Variants in TNIK observed in about 807,000 individuals in gnomAD.
The protein encoded by TNIK is TRAF2 and NCK interacting kinase.
TNIK carries 49 observed loss-of-function variants against 191.3 expected under a neutral mutation model. The observed-to-expected ratio is 0.26, with a 90% CI of 0.20 to 0.32. The LOEUF is 0.32. Ranked by LOEUF, TNIK falls within the 10% of genes least tolerant of loss-of-function variation. TNIK has a pLI of 1.00. For missense variants in TNIK, 1,155 were observed against 1,702.3 expected (o/e 0.68, Z 5.66); for synonymous variants, 594 against 600.9 (o/e 0.99, Z 0.17).
intron 22 of TNIK, among the ~76,000 whole-genome samples, chr3:171,100,518 T>C (rs1723323949): frequency 6.6e-6 from 1 of 151,674 alleles, no homozygotes; most frequent in Non-Finnish European, 1.5e-5. Flanking sequence ...ATAGAGTGAG[T>C]GTGAACTGAT....
At chr3:171,105,738 G>C (rs957088017) in intron 21 of TNIK, among the ~76,000 whole-genome samples, 1 of 152,144 alleles carries the variant, frequency 6.6e-6, no homozygotes, top group African/African-American at 2.4e-5. Flanking sequence ...ATCTGTGAGA[G>C]CCTTTTCCTT....
chr3:171,277,132 G>A (rs907300462), intron 2 of TNIK, among the ~76,000 whole-genome samples: 4 of 152,118 alleles, frequency 2.6e-5, no homozygotes, highest in African/African-American at 4.8e-5. Context: ...TCTCTCCCTT[G>A]TGCATACTCT....
chr3:171,309,667 C>T (rs1753813277), intron 2 of TNIK, among the ~76,000 whole-genome samples: 1 of 152,080 alleles, frequency 6.6e-6, no homozygotes, highest in Non-Finnish European at 1.5e-5. Context: ...TCCTCAGTAA[C>T]TTTTAAGAAT....
chr3:171,250,993 G>T (rs147902653), intron 2 of TNIK, among the ~76,000 whole-genome samples: 23 of 152,336 alleles, frequency 1.5e-4, no homozygotes, highest in African/African-American at 5.5e-4. Context: ...GTGTTATTAT[G>T]TCTGAAAGTG....
At chr3:171,364,618 A>G (rs1158740556) in intron 2 of TNIK, among the ~76,000 whole-genome samples, 1 of 152,228 alleles carries the variant, frequency 6.6e-6, no homozygotes, top group Non-Finnish European at 1.5e-5. Context: ...TGACTTATGT[A>G]TTTAAATTGC....
chr3:171,112,042 C>A (rs761132536), intron 18 of TNIK, among the ~76,000 whole-genome samples: 2 of 151,876 alleles, frequency 1.3e-5, no homozygotes, highest in Non-Finnish European at 2.9e-5. Flanking sequence ...TTGAAAATTG[C>A]GAAGATAGTA....
At chr3:171,373,728 C>T (rs1716848677) in intron 1 of TNIK, among the ~76,000 whole-genome samples, 2 of 152,176 alleles carry the variant, frequency 1.3e-5, no homozygotes, top group Non-Finnish European at 2.9e-5. Context: ...ACATGTCCCT[C>T]ATGTCCCTAA....
chr3:171,209,124 A>G (rs1740479784), intron 4 of TNIK, among the ~76,000 whole-genome samples: 1 of 147,940 alleles, frequency 6.8e-6, no homozygotes, highest in Non-Finnish European at 1.5e-5. Context: ...AAGTTGGACC[A>G]GTGTTCATTC....
intron 27 of TNIK, among the ~76,000 whole-genome samples, chr3:171,080,168 G>GA (rs144105704): frequency 0.075 from 11,398 of 151,924 alleles, 460 homozygotes; most frequent in Middle Eastern, 0.13. Flanking sequence ...ACAAAAATAG[G>GA]AAAAAAAGGA....
chr3:171,345,811 G>A (rs1712091365), intron 2 of TNIK, among the ~76,000 whole-genome samples: 1 of 152,072 alleles, frequency 6.6e-6, no homozygotes, highest in South Asian at 2.1e-4. Context: ...TATGCTTTTA[G>A]TATCATCTAG....
chr3:171,139,373 C>CGT lies in TNIK; in HGVS notation c.1419+96_1419+97insAC, dbSNP rs1491160369. 293 of 939,384 alleles carry CGT rather than the reference C, an allele frequency of 3.1e-4. 1 individual carries two copies. In the African/African-American group the frequency reaches 5.6e-3, roughly 18 times the overall value. 58.2% of individuals were successfully genotyped at this position (939,384 alleles called of 1,614,324 possible). A position where few individuals can be genotyped will look rare whatever the true frequency, so the allele number is the denominator to read the frequency against. On this transcript the variant is annotated intron_variant, in intron 14 of 32. Coordinates refer to ENST00000436636, the MANE Select transcript of TNIK (RefSeq NM_015028.4). ...CTGGTATGTTAGAAGGACACACGCA[C>CGT]GCGCGCACACACACACACACACACA...
intron 2 of TNIK, among the ~76,000 whole-genome samples, chr3:171,321,986 GT>G (rs1364282630): frequency 1.3e-5 from 2 of 152,110 alleles, no homozygotes; most frequent in African/African-American, 2.4e-5. Context: ...GGTCTTTTGT[GT>G]TTTAGTCAGA....
Position 171,293,481 on chromosome 3 carries a change from A to T in TNIK, c.124-65260T>A, listed in dbSNP as rs1482474001. Among the ~76,000 whole-genome samples, 3 of 152,180 alleles carry T rather than the reference A, an allele frequency of 2.0e-5. No homozygotes were observed. The East Asian group carries it at 5.8e-4, about 29-fold the overall frequency. On this transcript the variant is annotated intron_variant, in intron 2 of 32. Coordinates refer to ENST00000436636, the MANE Select transcript of TNIK (RefSeq NM_015028.4). ...GCATGGAATCACATAACTATGGGGA[A>T]ATTATTTTCAATTTTTTTCAACTCT... is the stretch of plus-strand genomic sequence containing the variant.
At chr3:171,177,811 A>C (rs953784039) in intron 7 of TNIK, among the ~76,000 whole-genome samples, 3 of 152,300 alleles carry the variant, frequency 2.0e-5, no homozygotes, top group African/African-American at 7.2e-5. Flanking sequence ...AAACATACCC[A>C]TCATCCCCCA....
intron 22 of TNIK, among the ~76,000 whole-genome samples, chr3:171,098,126 AAAAAGCGGAAAT>A (rs1241552468): frequency 2.0e-5 from 3 of 152,210 alleles, no homozygotes; most frequent in Non-Finnish European, 4.4e-5. Flanking sequence ...ATAGCATAGA[AAAAAGCGGAAAT>A]AAAAGAGTCA....
chr3:171,094,416 G>A (rs1272837353), intron 22 of TNIK, among the ~76,000 whole-genome samples: 2 of 152,166 alleles, frequency 1.3e-5, no homozygotes, highest in African/African-American at 2.4e-5. Flanking sequence ...GATTATAGGC[G>A]TGAGCCACCG....
In TNIK at chr3:171,417,152, A is replaced by G. The variant is rs147979619; in HGVS notation, c.57+42855T>C. Among the ~76,000 whole-genome samples the G allele has an allele frequency of 1.6e-3, 237 of 152,314 alleles. 1 individual carries two copies. The highest frequency in any genetic ancestry group is 5.5e-3 in the African/African-American group (229 of 41,562). ...CATTCAGTTGCCAATAATTTTATATATTTCATGAAATGTTTAACAATAAAA... is the reference window on the plus strand; with the variant it reads ...CATTCAGTTGCCAATAATTTTATATGTTTCATGAAATGTTTAACAATAAAA... On this transcript the variant is annotated intron_variant, in intron 1 of 32. Transcript: ENST00000436636.
chr3:171,126,711 T>G (rs1002679604), intron 16 of TNIK, among the ~76,000 whole-genome samples: 1 of 152,224 alleles, frequency 6.6e-6, no homozygotes, highest in Non-Finnish European at 1.5e-5. Context: ...GACCAGGCAT[T>G]CTACACCCAT....
intron 1 of TNIK, among the ~76,000 whole-genome samples, chr3:171,408,130 G>A (rs753840898): frequency 2.6e-5 from 4 of 152,158 alleles, no homozygotes; most frequent in Non-Finnish European, 5.9e-5. Context: ...TAAAAAAGGT[G>A]ATGAAAGTAA....
Sources: gnomAD v4.1 joint callset for allele counts (sites outside exome capture counted in the v4.1 genomes callset) on GRCh38, gnomAD v4.1.1 for gene constraint, MANE v1.5 for transcripts, NCBI Gene and HGNC (gene_info 2026-07-23, HGNC 2026-07-21) for gene names.